Variants in SLC17A1 observed in about 807,000 individuals in gnomAD.
The protein encoded by SLC17A1 is sodium-dependent phosphate transport protein 1.
Under a neutral mutation model 53.5 loss-of-function variants are expected in SLC17A1, and 51 were observed. The observed-to-expected ratio is 0.95, with a 90% confidence interval of 0.76 to 1.20. The LOEUF is 1.20. Among genes scored for constraint, SLC17A1 ranks in the 50% most tolerant of loss-of-function variants. SLC17A1 has a pLI of 0.00. For missense variants in SLC17A1, 538 were observed against 568.2 expected (o/e 0.95, Z 0.54); for synonymous variants, 179 against 198.8 (o/e 0.90, Z 0.84).
chr6:25,758,959 C>T, the SLC17A1 span, among the ~76,000 whole-genome samples: 72 of 152,042 alleles, frequency 4.7e-4, 1 homozygote, highest in Middle Eastern at 6.8e-3. Flanking sequence ...CTCTTAGCAC[C>T]GCTTTTGCTG....
At chr6:25,811,868 T>A in intron 8 of SLC17A1, 98 bp from the exon 9 acceptor site, 1 of 1,269,434 alleles carries the variant, frequency 7.9e-7, no homozygotes, top group Non-Finnish European at 1.1e-6. Context: ...CTAAAATGTG[T>A]ACTTTCATAT....
chr6:25,782,000 C>CA (rs1328684064), downstream of SLC17A1, among the ~76,000 whole-genome samples: 3 of 152,152 alleles, frequency 2.0e-5, no homozygotes, highest in Admixed American at 1.3e-4. Flanking sequence ...GTCGCATATG[C>CA]AAAAAACACA....
At chr6:25,750,319 G>A in the SLC17A1 span, among the ~76,000 whole-genome samples, 10 of 152,112 alleles carry the variant, frequency 6.6e-5, no homozygotes, top group African/African-American at 2.4e-4. Context: ...TGTAAATCAT[G>A]TGATTTACTA....
chr6:25,802,808 C>A (rs1198844988), intron 10 of SLC17A1, among the ~76,000 whole-genome samples: 2 of 151,534 alleles, frequency 1.3e-5, no homozygotes, highest in Non-Finnish European at 2.9e-5. Context: ...CTCAGTCTCT[C>A]TCTCTCTTTC....
rs143142456 is a variant in SLC17A1 at position 25,800,923 on chromosome 6, A to G, written c.1236T>C (p.Ile412=). 44 of 1,610,066 alleles carry G rather than the reference A, an allele frequency of 2.7e-5. No homozygotes were observed. The highest frequency in any genetic ancestry group is 3.7e-5 in the Non-Finnish European group (44 of 1,176,582). ...STLTGMIGGL[I]ASTLTGLILK... ...GGATCAATCCAGTCAAAGTGGAAGC[A>G]ATTAGTCCTCCTATCATTCCAGTTA... Residue 412 remains isoleucine (I), a synonymous_variant, in exon 11 of 13, where the codon ATT becomes ATC. Transcript: ENST00000244527.
chr6:25,821,872 T>C (rs1764574590), intron 3 of SLC17A1, among the ~76,000 whole-genome samples: 1 of 152,106 alleles, frequency 6.6e-6, no homozygotes, highest in Non-Finnish European at 1.5e-5. Context: ...ATGAGTCATA[T>C]AAATGAATAA....
intron 10 of SLC17A1, among the ~76,000 whole-genome samples, chr6:25,809,502 A>G (rs1322749906): frequency 6.6e-6 from 1 of 151,988 alleles, no homozygotes; most frequent in Non-Finnish European, 1.5e-5. Context: ...CACACACAAA[A>G]TCAATGAAAC....
chr6:25,730,197 A>C, the SLC17A1 span, among the ~76,000 whole-genome samples: 8 of 152,222 alleles, frequency 5.3e-5, no homozygotes. Flanking sequence ...TCTCAAAGAG[A>C]TATCTGTACT....
chr6:25,798,686 C>A, intron 12 of SLC17A1, 97 bp downstream of exon 12: 1 of 1,151,468 alleles, frequency 8.7e-7, no homozygotes, highest in Non-Finnish European at 1.2e-6. Context: ...TCCAAACCTG[C>A]ACCCGTTATT....
the SLC17A1 span, among the ~76,000 whole-genome samples, chr6:25,736,410 GA>G: frequency 6.6e-6 from 1 of 152,132 alleles, no homozygotes; most frequent in Non-Finnish European, 1.5e-5. Context: ...TCATTTCGGT[GA>G]GATTAAATGG....
At position 25,798,845 on chromosome 6, in the gene SLC17A1, A is replaced by C. The variant is rs1345415450; in HGVS notation, c.1344T>G (p.Leu448=). The part of the protein sequence containing the change: ...AINVTGLIFY[L]IVATAEIQDW... ...CCTGAATTTCTGCTGTAGCAACTAT[A>C]AGGTAGAAAATTAGGCCAGTCACAT... The change falls in exon 12 of 13, where the codon CTT becomes CTG. Residue 448 remains leucine, a synonymous_variant. Coordinates refer to ENST00000244527, the MANE Select transcript of SLC17A1 (RefSeq NM_005074.5). The C allele has an allele frequency of 6.2e-7, 1 of 1,610,944 alleles. No individual in the cohort carries two copies. Among genetic ancestry groups the C allele is most frequent in the Non-Finnish European group, 8.5e-7 (1 of 1,177,934 alleles).
At chr6:25,726,919 T>G in the SLC17A1 span, 1 of 1,612,088 alleles carries the variant, frequency 6.2e-7, no homozygotes, top group Non-Finnish European at 8.5e-7. Context: ...ATGCCGGAGG[T>G]GTCATCTAAA....
At chr6:25,746,466 C>T in the SLC17A1 span, among the ~76,000 whole-genome samples, 2 of 152,020 alleles carry the variant, frequency 1.3e-5, no homozygotes, top group African/African-American at 4.8e-5. Context: ...GTTTAAAGCT[C>T]TTAATAAACT....
At chr6:25,800,782 C>T (rs1763733198) in intron 11 of SLC17A1, 108 bp downstream of exon 11, 1 of 689,990 alleles carries the variant, frequency 1.4e-6, no homozygotes, top group Non-Finnish European at 2.5e-6. Flanking sequence ...GATGCAAAAA[C>T]TCATAAGTCA....
At chr6:25,818,380 T>C (rs1010939651) in intron 6 of SLC17A1, among the ~76,000 whole-genome samples, 1 of 152,218 alleles carries the variant, frequency 6.6e-6, no homozygotes, top group Non-Finnish European at 1.5e-5. Flanking sequence ...CCTGTATCGC[T>C]AGCCCCAGGT....
chr6:25,773,743 C>G, the SLC17A1 span: 2 of 1,524,762 alleles, frequency 1.3e-6, no homozygotes, highest in Non-Finnish European at 1.8e-6. Flanking sequence ...CATATATAAT[C>G]CTCTGTCTGT....
chr6:25,787,524 C>G (rs753412827), intron 12 of SLC17A1, among the ~76,000 whole-genome samples: 1 of 152,246 alleles, frequency 6.6e-6, no homozygotes, highest in Non-Finnish European at 1.5e-5. Context: ...AAGCTTGCAG[C>G]ACATCCAGCA....
the SLC17A1 span, chr6:25,726,183 CACTGCCT>C: frequency 9.4e-6 from 15 of 1,592,464 alleles, no homozygotes; most frequent in Non-Finnish European, 1.2e-5. Context: ...TGGGCAGCAG[CACTGCCT>C]GAATGTTAGG....
intron 5 of SLC17A1, 64 bp from the exon 6 acceptor site, chr6:25,819,218 G>T: frequency 8.7e-7 from 1 of 1,148,364 alleles, no homozygotes; most frequent in Non-Finnish European, 1.3e-6. Flanking sequence ...AGATAATGTA[G>T]CCTCACTGTA....
Sources: gnomAD v4.1 joint callset for allele counts (sites outside exome capture counted in the v4.1 genomes callset) on GRCh38, gnomAD v4.1.1 for gene constraint, MANE v1.5 for transcripts, NCBI Gene and HGNC (gene_info 2026-07-23, HGNC 2026-07-21) for gene names.